The following OR4M1 variants were observed in gnomAD, a reference collection of about 807,000 sequenced individuals.
OR4M1 encodes olfactory receptor 4M1.
OR4M1 carries 7 observed loss-of-function variants against 9.8 expected under a neutral mutation model. The ratio of observed to expected loss-of-function variants is 0.71; its 90% confidence interval spans 0.41 to 1.34. OR4M1 has a LOEUF of 1.34. Among genes scored for constraint, OR4M1 ranks in the 40% most tolerant of loss-of-function variants. The probability of loss-of-function intolerance (pLI) is 0.01; values close to 1 mark genes in which losing one functional copy is unlikely to be tolerated. For missense variants in OR4M1, 331 were observed against 380.4 expected, an observed-to-expected ratio of 0.87 and a Z score of 1.08; for synonymous variants, 121 against 139.8, an observed-to-expected ratio of 0.87 and a Z score of 0.95.
chr14:19,783,291 G>T lies in OR4M1; in HGVS notation c.*2027G>T, dbSNP rs35511196. ...CACCCCTTGGAGGACATTTGGAAGT[G>T]CCCAGAGACATTTGTGGTGGTCACA... On this transcript the variant is annotated 3_prime_UTR_variant, in exon 2 of 2. Transcript: ENST00000641200. 34,929 of 149,138 alleles carry T rather than the reference G, an allele frequency of 0.23. 2,482 individuals are homozygous for T. The highest frequency in any genetic ancestry group is 0.33 in the South Asian group (1,517 of 4,654). 9.2% of individuals were successfully genotyped at this position (149,138 alleles called of 1,614,324 possible).
rs1401515113 is a variant in OR4M1, at chr14:19,780,969, T to A, written c.647T>A (p.Met216Lys). 2 of 1,614,246 alleles carry A rather than the reference T, an allele frequency of 1.2e-6. No individual in the cohort carries two copies. Among genetic ancestry groups the A allele is most frequent in the Admixed American group, 1.7e-5 (1 of 60,030 alleles). Residue 216 changes from methionine to lysine, a missense_variant, in exon 2 of 2, where the codon ATG becomes AAG. Physicochemically the swap from Met to Lys is moderately conservative, Grantham distance 95. Around this residue, in one of 2 missense-constraint regions of OR4M1, gnomAD observed 122 missense variants for 180.5 expected, o/e 0.68. Transcript: ENST00000641200. ...ISVVCFIALL[M>K]SYAFLLALLK... ...GTGGTGTGTTTCATTGCTCTGTTAA[T>A]GTCCTATGCCTTCCTTCTGGCCTTG...
chr14:19,780,957 T>G lies in OR4M1; in HGVS notation c.635T>G (p.Ile212Ser). The G allele has an allele frequency of 1.2e-6, 2 of 1,614,240 alleles. No individual in the cohort carries two copies. Among genetic ancestry groups the G allele is most frequent in the Non-Finnish European group, 1.7e-6 (2 of 1,180,020 alleles). The change falls in exon 2 of 2, where the codon ATT (isoleucine) becomes AGT (serine). Residue 212 changes from isoleucine to serine, a missense_variant. Coordinates refer to ENST00000641200, the MANE Select transcript of OR4M1 (RefSeq NM_001005500.2). ...GGTCTGATCTCTGTGGTGTGTTTCA[T>G]TGCTCTGTTAATGTCCTATGCCTTC... is the stretch of plus-strand genomic sequence containing the variant. ...SSGLISVVCF[I>S]ALLMSYAFLL...
rs146489391 is a variant in OR4M1 at position 19,781,127 on chromosome 14, C to G, written c.805C>G (p.Leu269Val). Residue 269 changes from leucine to valine, a missense_variant, in exon 2 of 2, where the codon CTA (leucine) becomes GTA (valine). Physicochemically the swap from Leu to Val is conservative, Grantham distance 32. Around this residue, in one of 2 missense-constraint regions of OR4M1, gnomAD observed 122 missense variants for 180.5 expected, o/e 0.68. Coordinates refer to ENST00000641200, the MANE Select transcript of OR4M1 (RefSeq NM_001005500.2). ...IYARPFDSFS[L>V]DKVVSVFHTV... is the part of the protein sequence containing the mutation. ...TGCTCGCCCATTTGACTCATTTTCCCTAGATAAAGTGGTGTCTGTGTTTCA... is the reference window on the plus strand; with the variant it reads ...TGCTCGCCCATTTGACTCATTTTCCGTAGATAAAGTGGTGTCTGTGTTTCA... 6.1e-5 allele frequency: 98 copies of G among 1,614,056 alleles called. No individual in the cohort carries two copies. In the Middle Eastern group the frequency reaches 6.6e-4, roughly 11 times the overall value.
At chr14:19,775,122 A>C (rs146039406) in intron 1 of OR4M1, among the ~76,000 whole-genome samples, 117 of 152,306 alleles carry the variant, frequency 7.7e-4, no homozygotes, top group African/African-American at 2.7e-3. Flanking sequence ...TGCTGATATC[A>C]ACCAACCACT....
intron 1 of OR4M1, among the ~76,000 whole-genome samples, chr14:19,776,600 T>C (rs1337234403): frequency 6.6e-6 from 1 of 152,206 alleles, no homozygotes; most frequent in Non-Finnish European, 1.5e-5. Flanking sequence ...TGATTTGGAA[T>C]AGACATCCCC....
chr14:19,780,380 A>T lies in OR4M1; in HGVS notation c.58A>T (p.Thr20Ser), dbSNP rs1878435967. The T allele has an allele frequency of 6.2e-7, 1 of 1,614,204 alleles. No individual in the cohort carries two copies. The highest frequency in any genetic ancestry group is 8.5e-7 in the Non-Finnish European group (1 of 1,180,004). Residue 20 changes from threonine (T) to serine (S), a missense_variant, in exon 2 of 2, where the codon ACT becomes TCT. By Grantham distance (58) the Thr-to-Ser change is moderately conservative. Transcript: ENST00000641200. ...TEFVLTGLSQ[T>S]REVQLVLFVI... ...ATTTGTTCTCACTGGCCTATCCCAG[A>T]CTCGGGAGGTCCAACTAGTCCTATT... is the stretch of plus-strand genomic sequence containing the variant.
In OR4M1 at chr14:19,781,050, A is replaced by C; in HGVS notation, c.728A>C (p.Tyr243Ser). ...ACCAACAGGGCCATGTCCACCTGCT[A>C]TTCCCACATTACCATTGTGGTGCTA... The part of the protein sequence containing the change: ...ENTNRAMSTC[Y>S]SHITIVVLMF... Residue 243 changes from tyrosine to serine, a missense_variant, in exon 2 of 2, where the codon TAT becomes TCT. By Grantham distance (144) the Tyr-to-Ser change is moderately radical (BLOSUM62 -2). Around this residue, in one of 2 missense-constraint regions of OR4M1, gnomAD observed 122 missense variants for 180.5 expected, o/e 0.68. Coordinates refer to ENST00000641200, the MANE Select transcript of OR4M1 (RefSeq NM_001005500.2). 1 of 1,614,204 alleles carries C rather than the reference A, an allele frequency of 6.2e-7. No individual in the cohort carries two copies. Among genetic ancestry groups the C allele is most frequent in the Non-Finnish European group, 8.5e-7 (1 of 1,180,032 alleles).
chr14:19,781,102 T>C lies in OR4M1; in HGVS notation c.780T>C (p.Tyr260=), dbSNP rs372591234. ...TGTTTGGGCCATCCATCTACATTTA[T>C]GCTCGCCCATTTGACTCATTTTCCC... ...VLMFGPSIYI[Y]ARPFDSFSLD... The change falls in exon 2 of 2, where the codon TAT becomes TAC. Residue 260 remains tyrosine, a synonymous_variant. Coordinates refer to ENST00000641200, the MANE Select transcript of OR4M1 (RefSeq NM_001005500.2). 3.7e-6 allele frequency: 6 copies of C among 1,614,270 alleles called. No homozygotes were observed. Among genetic ancestry groups the C allele is most frequent in the East Asian group, 4.5e-5 (2 of 44,890 alleles).
intron 1 of OR4M1, among the ~76,000 whole-genome samples, chr14:19,776,535 G>C (rs1878314214): frequency 6.6e-6 from 1 of 152,224 alleles, no homozygotes; most frequent in Non-Finnish European, 1.5e-5. Context: ...GTGGATGTAA[G>C]ACGAAGTAAA....
chr14:19,780,795 T>A lies in OR4M1; in HGVS notation c.473T>A (p.Ile158Lys). The change falls in exon 2 of 2, where the codon ATA (isoleucine) becomes AAA (lysine). Residue 158 changes from isoleucine (I) to lysine (K), a missense_variant. By Grantham distance (102) the Ile-to-Lys change is moderately radical. Around this residue, in one of 2 missense-constraint regions of OR4M1, gnomAD observed 209 missense variants for 200.0 expected, o/e 1.04. Transcript: ENST00000641200. Reference protein sequence around the residue: ...SWMGGFIHSIIQVALIVRLPF... With the variant: ...SWMGGFIHSIKQVALIVRLPF... ...ATGGGGGGCTTCATTCATTCTATAA[T>A]ACAGGTGGCTCTCATTGTTCGACTT... 4.3e-6 allele frequency: 7 copies of A among 1,614,230 alleles called. No individual in the cohort carries two copies. The highest frequency in any genetic ancestry group is 5.9e-6 in the Non-Finnish European group (7 of 1,180,034).
At position 19,782,714 on chromosome 14, in the gene OR4M1, C is replaced by T. The variant is rs1218855369; in HGVS notation, c.*1450C>T. 7.2e-5 allele frequency: 11 copies of T among 152,356 alleles called. No individual in the cohort carries two copies. Among genetic ancestry groups the T allele is most frequent in the African/African-American group, 2.4e-4 (10 of 41,572 alleles). The allele number at this position is 152,356 out of a possible 1,614,324, so 9.4% of individuals were successfully genotyped here. A position where few individuals can be genotyped will look rare whatever the true frequency, so the allele number is the denominator to read the frequency against. ...TTCTTCGATCTTCAATGCTACGTTA[C>T]TTCTCTTCTAGGAACCCAAAGGCAT... On this transcript the variant is annotated 3_prime_UTR_variant, in exon 2 of 2. Transcript: ENST00000641200.
chr14:19,780,106 T>C (rs962241123), intron 1 of OR4M1, 188 bp from the exon 2 acceptor site: 1 of 575,354 alleles, frequency 1.7e-6, no homozygotes, highest in Admixed American at 3.5e-5. Flanking sequence ...TCATATAGTT[T>C]TAGTGTTCCC....
intron 1 of OR4M1, among the ~76,000 whole-genome samples, chr14:19,775,516 A>C (rs1422598515): frequency 6.7e-6 from 1 of 149,588 alleles, no homozygotes; most frequent in Non-Finnish European, 1.5e-5. Flanking sequence ...AGTATATTAA[A>C]AGAGAAATAA....
At chr14:19,775,840 T>G (rs1878295789) in intron 1 of OR4M1, among the ~76,000 whole-genome samples, 1 of 150,516 alleles carries the variant, frequency 6.6e-6, no homozygotes, top group Non-Finnish European at 1.5e-5. Flanking sequence ...AAAAGAGAAA[T>G]AAGCAGCAAA....
chr14:19,776,760 A>G (rs8010226), intron 1 of OR4M1, among the ~76,000 whole-genome samples: 40,826 of 148,074 alleles, frequency 0.28, 1,986 homozygotes, highest in South Asian at 0.36. Context: ...ATACCCAAGT[A>G]TGTATAGTTT....
At chr14:19,780,261 G>A (rs1878429807) in intron 1 of OR4M1, 33 bp from the exon 2 acceptor site, 3 of 1,483,052 alleles carry the variant, frequency 2.0e-6, no homozygotes, top group Non-Finnish European at 2.7e-6. Flanking sequence ...TAAATGCTAT[G>A]TGGACTAATT....
Position 19,780,618 on chromosome 14 carries a change from C to T in OR4M1, c.296C>T (p.Ala99Val), listed in dbSNP as rs772647939. The change falls in exon 2 of 2, where the codon GCA (alanine) becomes GTA (valine). Residue 99 changes from alanine to valine, a missense_variant. Transcript: ENST00000641200. ...ATAATTTCCTTTGGTGGATGCATTG[C>T]ACAGCTCTTCTTCTTACACTTTGTT... ...RKIISFGGCIAQLFFLHFVGA... is the reference protein window; with the variant it reads ...RKIISFGGCIVQLFFLHFVGA... The T allele has an allele frequency of 6.2e-7, 1 of 1,614,210 alleles. No individual in the cohort carries two copies. The highest frequency in any genetic ancestry group is 8.5e-7 in the Non-Finnish European group (1 of 1,180,038).
intron 1 of OR4M1, among the ~76,000 whole-genome samples, chr14:19,776,446 A>C (rs556569556): frequency 1.3e-5 from 2 of 152,352 alleles, no homozygotes; most frequent in African/African-American, 4.8e-5. Flanking sequence ...CCCTCTAGGT[A>C]CTACGTCCCT....
intron 1 of OR4M1, among the ~76,000 whole-genome samples, chr14:19,775,465 C>T (rs1878281907): frequency 6.6e-6 from 1 of 151,496 alleles, no homozygotes; most frequent in South Asian, 2.1e-4. Flanking sequence ...ATTTATGAAC[C>T]TCATCATTCT....
Sources: gnomAD v4.1 joint callset for allele counts (sites outside exome capture counted in the v4.1 genomes callset) on GRCh38, gnomAD v4.1.1 for gene constraint, gnomAD v4.1.1 regional missense constraint, MANE v1.5 for transcripts, NCBI Gene and HGNC (gene_info 2026-07-23, HGNC 2026-07-21) for gene names.